The following CFAP77 variants were observed in gnomAD, a reference collection of about 807,000 sequenced individuals.
CFAP77 encodes the protein cilia- and flagella-associated protein 77.
CFAP77 carries 25 observed loss-of-function variants against 31.1 expected under a neutral mutation model. The ratio of observed to expected loss-of-function variants is 0.80; its 90% CI spans 0.59 to 1.12. The LOEUF is 1.12. Ranked by LOEUF, CFAP77 falls within the 50% of genes most tolerant of loss-of-function variation. The probability of loss-of-function intolerance (pLI) is 0.00; values close to 1 mark genes in which losing one functional copy is unlikely to be tolerated. For synonymous variants in CFAP77, 151 were observed against 159.9 expected, an observed-to-expected ratio of 0.94 and a Z score of 0.42; for missense variants, 377 against 397.3, an observed-to-expected ratio of 0.95 and a Z score of 0.44.
In CFAP77 at chr9:132,564,050, C is replaced by G. The variant is rs1190734450; in HGVS notation, c.733-8338C>G. Among the ~76,000 whole-genome samples, 1 of 152,166 alleles carries G rather than the reference C, an allele frequency of 6.6e-6. No individual in the cohort carries two copies. The highest frequency in any genetic ancestry group is 1.5e-5 in the Non-Finnish European group (1 of 68,026). On this transcript the variant is annotated intron_variant, in intron 5 of 5. Coordinates refer to ENST00000393216, the MANE Select transcript of CFAP77 (RefSeq NM_001282957.2). This position sits in a 1 kb window ranked among gnomAD's most constrained non-coding sequence, Gnocchi z 4.6. ...AGAGTTGGAGTCTCTGTATCATAAG[C>G]TCTTACAGAACCTTGTACTTCTTTT...
At chr9:132,547,988 C>G (rs1266456098) in intron 5 of CFAP77, among the ~76,000 whole-genome samples, 1 of 152,124 alleles carries the variant, frequency 6.6e-6, no homozygotes, top group Non-Finnish European at 1.5e-5. Context: ...CATCCTTCTG[C>G]CCAAAGATGG....
At chr9:132,470,923 A>T (rs1264461552) in intron 1 of CFAP77, among the ~76,000 whole-genome samples, 2 of 152,250 alleles carry the variant, frequency 1.3e-5, no homozygotes, top group Non-Finnish European at 2.9e-5. Flanking sequence ...GGTTGCAGTG[A>T]GCCAAGATCG....
intron 5 of CFAP77, among the ~76,000 whole-genome samples, chr9:132,544,377 T>C (rs926606519): frequency 1.3e-5 from 2 of 152,132 alleles, no homozygotes; most frequent in Non-Finnish European, 2.9e-5. Context: ...CTCTAGCTTC[T>C]CTACCTTTTC....
At chr9:132,453,008 A>G (rs976771044) in intron 1 of CFAP77, among the ~76,000 whole-genome samples, 1 of 152,182 alleles carries the variant, frequency 6.6e-6, no homozygotes, top group African/African-American at 2.4e-5. Context: ...AGCAGAGAAA[A>G]GCATTAGACT....
chr9:132,568,958 C>T (rs180743455), intron 5 of CFAP77, among the ~76,000 whole-genome samples: 109 of 152,242 alleles, frequency 7.2e-4, no homozygotes, highest in Non-Finnish European at 1.0e-3. Flanking sequence ...CCTTGGCCTC[C>T]GAAAGTGCTT....
chr9:132,472,971 C>T (rs1851284753), intron 1 of CFAP77, among the ~76,000 whole-genome samples: 1 of 152,112 alleles, frequency 6.6e-6, no homozygotes, highest in African/African-American at 2.4e-5. Flanking sequence ...TTATTTGGCT[C>T]TGCAGGCTGT....
intron 3 of CFAP77, among the ~76,000 whole-genome samples, chr9:132,528,531 C>T (rs1852382136): frequency 6.8e-6 from 1 of 147,786 alleles, no homozygotes; most frequent in Non-Finnish European, 1.5e-5. Flanking sequence ...TAAACAGCTT[C>T]TGCACAGCAA....
At chr9:132,519,317 T>TCG (rs2119012528) in intron 3 of CFAP77, among the ~76,000 whole-genome samples, 1 of 2,026 alleles carries the variant, frequency 4.9e-4, no homozygotes, top group Non-Finnish European at 1.1e-3. Flanking sequence ...GATGGGTGGG[T>TCG]GAATGAATGG....
At chr9:132,420,935 A>C (rs1850204485) in intron 1 of CFAP77, among the ~76,000 whole-genome samples, 1 of 151,182 alleles carries the variant, frequency 6.6e-6, no homozygotes, top group African/African-American at 2.4e-5. Context: ...CACTGAGGGC[A>C]GCTCCATCTT....
In CFAP77 at chr9:132,424,019, G is replaced by A. The variant is rs1850272666; in HGVS notation, c.195+13553G>A. ...CTCCAAGGACCTTACAGTCTAGTTG[G>A]GCAGAAAATTCACATCACACACGTG... On this transcript the variant is annotated intron_variant, in intron 1 of 5. Coordinates refer to ENST00000393216, the MANE Select transcript of CFAP77 (RefSeq NM_001282957.2). The surrounding 1 kb of genome is among the most constrained non-coding windows in gnomAD (Gnocchi z 4.1). Among the ~76,000 whole-genome samples, 2 of 152,162 alleles carry A rather than the reference G, an allele frequency of 1.3e-5. No individual in the cohort carries two copies. The highest frequency in any genetic ancestry group is 4.1e-4 in the South Asian group (2 of 4,824).
chr9:132,457,000 C>T (rs1174517031), intron 1 of CFAP77, among the ~76,000 whole-genome samples: 1 of 152,084 alleles, frequency 6.6e-6, no homozygotes, highest in Non-Finnish European at 1.5e-5. Context: ...CTGCCTCAGC[C>T]TCCCAAAGTG....
At chr9:132,458,471 G>C (rs1850970008) in intron 1 of CFAP77, among the ~76,000 whole-genome samples, 1 of 152,146 alleles carries the variant, frequency 6.6e-6, no homozygotes, top group Non-Finnish European at 1.5e-5. Flanking sequence ...CATCTTGCCT[G>C]TGTGGGCTAG....
rs1347951056 is a variant in CFAP77, at chr9:132,554,924, GCATCCATCCATCCACC to G, written c.732+11892_732+11907del. Among the ~76,000 whole-genome samples the G allele has an allele frequency of 6.8e-4, 95 of 138,924 alleles. No individual in the cohort carries two copies. Among genetic ancestry groups the G allele is most frequent in the African/African-American group, 2.7e-3 (94 of 35,406 alleles). The allele number at this position is 138,924 out of a possible 152,430, so 91.1% of individuals were successfully genotyped here. ...TCCATCCATCTATGCATGCATGCATGCATCCATCCATCCACCCATCCATCCATCCATCCATCCATCC... is the reference window on the plus strand; with the variant it reads ...TCCATCCATCTATGCATGCATGCATGCATCCATCCATCCATCCATCCATCC... On this transcript the variant is annotated intron_variant, in intron 5 of 5. Coordinates refer to ENST00000393216, the MANE Select transcript of CFAP77 (RefSeq NM_001282957.2). This position sits in a 1 kb window ranked among gnomAD's most constrained non-coding sequence, Gnocchi z 4.1.
At chr9:132,502,268 T>A (rs866823156) in intron 3 of CFAP77, among the ~76,000 whole-genome samples, 9,482 of 102,818 alleles carry the variant, frequency 0.092, 441 homozygotes, top group Non-Finnish European at 0.12. Context: ...TATATATATT[T>A]TTTTTTTTTG....
chr9:132,428,274 C>T (rs975699480), intron 1 of CFAP77, among the ~76,000 whole-genome samples: 9 of 151,852 alleles, frequency 5.9e-5, no homozygotes, highest in African/African-American at 2.2e-4. Flanking sequence ...CCTCTCAAAG[C>T]GCTGGGATTA....
At chr9:132,459,849 A>C (rs941334182) in intron 1 of CFAP77, among the ~76,000 whole-genome samples, 9 of 136,888 alleles carry the variant, frequency 6.6e-5, no homozygotes, top group South Asian at 2.4e-4. Flanking sequence ...GAGTATTGTG[A>C]GTCTGTGTGT....
chr9:132,566,310 T>C (rs552251816), intron 5 of CFAP77, among the ~76,000 whole-genome samples: 5 of 152,310 alleles, frequency 3.3e-5, no homozygotes, highest in African/African-American at 1.2e-4. Context: ...CAGCCCTGGG[T>C]TCAATCGCTG....
chr9:132,431,227 C>T (rs755108590), intron 1 of CFAP77, among the ~76,000 whole-genome samples: 30 of 152,194 alleles, frequency 2.0e-4, no homozygotes, highest in Non-Finnish European at 4.1e-4. Context: ...GCAGAAGAGG[C>T]AAAGTTTGCA....
intron 1 of CFAP77, among the ~76,000 whole-genome samples, chr9:132,474,581 A>C (rs1412273): frequency 6.6e-6 from 1 of 151,862 alleles, no homozygotes; most frequent in Admixed American, 6.6e-5. Flanking sequence ...CCTTAGGACC[A>C]GGGGGGGAAT....
Sources: gnomAD v4.1 joint callset for allele counts (sites outside exome capture counted in the v4.1 genomes callset) on GRCh38, gnomAD v4.1.1 for gene constraint, Gnocchi (gnomAD v3.1) non-coding constraint, MANE v1.5 for transcripts, NCBI Gene and HGNC (gene_info 2026-07-23, HGNC 2026-07-21) for gene names.